The following PRRG1 variants were observed in gnomAD, a reference collection of about 807,000 sequenced individuals.
PRRG1 encodes the protein transmembrane gamma-carboxyglutamic acid protein 1.
Under a neutral mutation model 11.8 loss-of-function variants are expected in PRRG1, and 5 were observed. The observed-to-expected ratio is 0.42, with a 90% CI of 0.22 to 0.89. PRRG1 has a LOEUF of 0.89. Among genes scored for constraint, PRRG1 ranks in the 40% least tolerant of loss-of-function variants. PRRG1 has a pLI of 0.28. For missense variants in PRRG1, 155 were observed against 166.1 expected, an observed-to-expected ratio of 0.93 and a Z score of 0.37; for synonymous variants, 66 against 60.4, an observed-to-expected ratio of 1.09 and a Z score of -0.43.
chrX:37,368,145 T>C (rs1370937178), intron 1 of PRRG1, among the ~76,000 whole-genome samples: 1 of 112,312 alleles, frequency 8.9e-6, no homozygotes, highest in Non-Finnish European at 1.9e-5. Context: ...GAAAAGAATG[T>C]GTATTTTGGC....
intron 3 of PRRG1, among the ~76,000 whole-genome samples, chrX:37,451,454 T>C (rs1921136525): frequency 1.8e-5 from 2 of 112,822 alleles, no homozygotes; most frequent in South Asian, 7.2e-4. Context: ...CATACATCTA[T>C]ATTTAATAGT....
chrX:37,421,318 C>T (rs1331576571), intron 2 of PRRG1, among the ~76,000 whole-genome samples: 4 of 111,510 alleles, frequency 3.6e-5, no homozygotes, highest in African/African-American at 1.3e-4. Context: ...TCTTTATTTC[C>T]TTTAATGGGA....
At chrX:37,390,899 C>T (rs1931503807) in intron 1 of PRRG1, among the ~76,000 whole-genome samples, 2 of 112,216 alleles carry the variant, frequency 1.8e-5, no homozygotes, top group Admixed American at 1.9e-4. Context: ...GTAGGGAGGT[C>T]ATCAGCAAGG....
At chrX:37,384,491 A>T (rs17147183) in intron 1 of PRRG1, among the ~76,000 whole-genome samples, 2,974 of 111,630 alleles carry the variant, frequency 0.027, 91 homozygotes, top group African/African-American at 0.09. Flanking sequence ...TTTCTAGAAG[A>T]GGCACGTAAC....
In PRRG1 at chrX:37,450,736, A is replaced by G. The variant is rs370288212; in HGVS notation, c.172-2400A>G. On this transcript the variant is annotated intron_variant, in intron 3 of 3. Coordinates refer to ENST00000378628, the MANE Select transcript of PRRG1 (RefSeq NM_001142395.2). ...TGGTGACCTGAGAGACTGGGAAGAGAGAGATTAAAGTCTCACCTGCAGATA... is the reference window on the plus strand; with the variant it reads ...TGGTGACCTGAGAGACTGGGAAGAGGGAGATTAAAGTCTCACCTGCAGATA... Among the ~76,000 whole-genome samples the G allele has an allele frequency of 6.2e-5, 7 of 112,031 alleles. No homozygotes were observed. In the East Asian group the frequency reaches 1.7e-3, roughly 27 times the overall value.
rs1463514907 is a variant in PRRG1 at position 37,422,074 on chromosome X, T to A, written c.11-3766T>A. Among the ~76,000 whole-genome samples, 3 of 112,066 alleles carry A rather than the reference T, an allele frequency of 2.7e-5. No individual in the cohort carries two copies. In the South Asian group the frequency reaches 1.1e-3, roughly 42 times the overall value. On this transcript the variant is annotated intron_variant, in intron 2 of 3. Coordinates refer to ENST00000378628, the MANE Select transcript of PRRG1 (RefSeq NM_001142395.2). ...TTGGATTAGAAGCTTTGTGTCCTGCTGTATTACCTTCCATTTGCTTATTCT... is the reference window on the plus strand; with the variant it reads ...TTGGATTAGAAGCTTTGTGTCCTGCAGTATTACCTTCCATTTGCTTATTCT...
rs1395722146 is a variant in PRRG1 at position 37,405,091 on chromosome X, C to T, written c.-41-1118C>T. ...ATAAAGAAACCTGATTAAATTAAGT[C>T]GGTATTTCCTACATGGGAAGCATGG... On this transcript the variant is annotated intron_variant, in intron 1 of 3. Transcript: ENST00000378628. 1.1e-4 allele frequency among the ~76,000 whole-genome samples: 12 copies of T among 111,964 alleles called. No individual in the cohort carries two copies. In the East Asian group the frequency reaches 1.4e-3, roughly 13 times the overall value.
intron 3 of PRRG1, among the ~76,000 whole-genome samples, chrX:37,450,917 A>G (rs1556396381): frequency 8.9e-6 from 1 of 112,611 alleles, no homozygotes; most frequent in African/African-American, 3.2e-5. Flanking sequence ...AATTTTTTAA[A>G]TGATGTAAAC....
intron 1 of PRRG1, among the ~76,000 whole-genome samples, chrX:37,405,665 A>C (rs1776633222): frequency 9.0e-6 from 1 of 110,521 alleles, no homozygotes; most frequent in Non-Finnish European, 1.9e-5. Context: ...GTTTATGATC[A>C]TTGGTTCATA....
intron 1 of PRRG1, among the ~76,000 whole-genome samples, chrX:37,393,277 AT>A (rs1220418815): frequency 1.9e-5 from 2 of 107,807 alleles, no homozygotes; most frequent in Non-Finnish European, 3.8e-5. Context: ...TTTATAATGT[AT>A]TTTATATAAT....
chrX:37,412,821 A>G (rs1932385374), intron 2 of PRRG1, among the ~76,000 whole-genome samples: 1 of 111,320 alleles, frequency 9.0e-6, no homozygotes, highest in Non-Finnish European at 1.9e-5. Context: ...CCTTTGGCAC[A>G]TAATTTTAGA....
intron 1 of PRRG1, among the ~76,000 whole-genome samples, chrX:37,389,534 C>T (rs1304883100): frequency 1.8e-5 from 2 of 111,135 alleles, no homozygotes; most frequent in African/African-American, 6.6e-5. Flanking sequence ...GCAGCCAGCA[C>T]TTCACATGGC....
In PRRG1 at chrX:37,352,618, C is replaced by T. The variant is rs904057712; in HGVS notation, c.-42+3223C>T. 3.6e-5 allele frequency among the ~76,000 whole-genome samples: 4 copies of T among 111,635 alleles called. No individual in the cohort carries two copies. The Admixed American group carries it at 3.8e-4, about 11-fold the overall frequency. On this transcript the variant is annotated intron_variant, in intron 1 of 3. Coordinates refer to ENST00000378628, the MANE Select transcript of PRRG1 (RefSeq NM_001142395.2). ...GGTTAACCTCAGTCACCTCCACAGT[C>T]TTCTCAGGGTTCTGTTCAAAACTCT...
intron 1 of PRRG1, among the ~76,000 whole-genome samples, chrX:37,371,392 G>A (rs967398093): frequency 1.8e-5 from 2 of 112,050 alleles, no homozygotes; most frequent in Non-Finnish European, 3.8e-5. Flanking sequence ...ATTTGTCCAT[G>A]TACCTCATTC....
At chrX:37,429,166 G>C (rs961048009) in intron 3 of PRRG1, among the ~76,000 whole-genome samples, 1 of 111,818 alleles carries the variant, frequency 8.9e-6, no homozygotes, top group African/African-American at 3.3e-5. Flanking sequence ...AACCCATGAC[G>C]TGCCCTGGAG....
intron 1 of PRRG1, among the ~76,000 whole-genome samples, chrX:37,350,317 A>G (rs140759507): frequency 0.012 from 1,308 of 111,946 alleles, 17 homozygotes; most frequent in African/African-American, 0.04. Context: ...ATTGAATGAA[A>G]GGATGAAGAG....
chrX:37,354,186 T>C (rs1930160603), intron 1 of PRRG1, among the ~76,000 whole-genome samples: 1 of 110,361 alleles, frequency 9.1e-6, no homozygotes, highest in African/African-American at 3.3e-5. Context: ...TAGGATAGAG[T>C]CTAAGAATTT....
rs781857330 is a variant in PRRG1, at chrX:37,397,743, T to G, written c.-41-8466T>G. ...TGAGTAGAGGCTGGTTTGGCTGGAG[T>G]GTAGTATAACTATTAAGGAAGGTGG... On this transcript the variant is annotated intron_variant, in intron 1 of 3. Coordinates refer to ENST00000378628, the MANE Select transcript of PRRG1 (RefSeq NM_001142395.2). Among the ~76,000 whole-genome samples the G allele has an allele frequency of 1.2e-3, 127 of 110,199 alleles. 1 individual carries two copies. Among genetic ancestry groups the G allele is most frequent in the Non-Finnish European group, 2.0e-3 (106 of 52,692 alleles).
chrX:37,415,069 G>A (rs782299882), intron 2 of PRRG1, among the ~76,000 whole-genome samples: 1 of 112,056 alleles, frequency 8.9e-6, no homozygotes, highest in Non-Finnish European at 1.9e-5. Context: ...TGAGTTCAGA[G>A]GCTTCTTAAA....
Sources: allele counts gnomAD v4.1 joint callset (sites outside exome capture counted in the v4.1 genomes callset), GRCh38; gene constraint gnomAD v4.1.1; transcripts MANE v1.5; gene names NCBI Gene and HGNC (gene_info 2026-07-23, HGNC 2026-07-21).